Variants in BICC1 observed in about 807,000 individuals in gnomAD.
The protein encoded by BICC1 is BicC family RNA binding protein 1.
BICC1 carries 43 observed loss-of-function variants against 111.0 expected under a neutral mutation model. The observed-to-expected ratio is 0.39, with a 90% CI of 0.30 to 0.50. The LOEUF (loss-of-function observed/expected upper bound fraction) is 0.50, where lower values mean the gene tolerates loss of function less well. Among genes scored for constraint, BICC1 ranks in the 20% least tolerant of loss-of-function variants. BICC1 has a pLI of 0.88. For missense variants in BICC1, 1,091 were observed against 1,203.2 expected (o/e 0.91, Z 1.38); for synonymous variants, 467 against 434.4 (o/e 1.07, Z -0.93).
At chr10:58,599,492 G>A (rs1844952875) in intron 1 of BICC1, among the ~76,000 whole-genome samples, 3 of 152,128 alleles carry the variant, frequency 2.0e-5, no homozygotes, top group Admixed American at 1.3e-4. Context: ...ACACACTGCG[G>A]CTTGTCAGTG....
chr10:58,729,577 T>G (rs1589071729), intron 3 of BICC1, among the ~76,000 whole-genome samples: 1 of 152,310 alleles, frequency 6.6e-6, no homozygotes, highest in East Asian at 1.9e-4. Context: ...GACTGGGTAA[T>G]TTATAAAGAA....
At chr10:58,814,447 A>G (rs1844020220) in intron 18 of BICC1, 1 of 294,580 alleles carries the variant, frequency 3.4e-6, no homozygotes, top group South Asian at 5.1e-5. Context: ...GGTAATGTAC[A>G]CACATGCATC....
intron 1 of BICC1, among the ~76,000 whole-genome samples, chr10:58,549,470 T>A (rs1223937024): frequency 6.6e-6 from 1 of 152,146 alleles, no homozygotes; most frequent in African/African-American, 2.4e-5. Context: ...GTATTGTCAG[T>A]TTTTAAAATT....
chr10:58,747,876 A>G (rs1413197792), intron 3 of BICC1, among the ~76,000 whole-genome samples: 1 of 152,136 alleles, frequency 6.6e-6, no homozygotes, highest in Non-Finnish European at 1.5e-5. Context: ...AAAAAGTTTT[A>G]TTGGAATACA....
chr10:58,784,688 AT>A (rs1842962577), intron 3 of BICC1, among the ~76,000 whole-genome samples: 1 of 60,310 alleles, frequency 1.7e-5, no homozygotes, highest in Non-Finnish European at 3.9e-5. Context: ...AATCCAATTT[AT>A]AAAAAAAAAT....
At chr10:58,582,608 A>T (rs2132015313) in intron 1 of BICC1, among the ~76,000 whole-genome samples, 1 of 152,302 alleles carries the variant, frequency 6.6e-6, no homozygotes, top group South Asian at 2.1e-4. Context: ...ATACAAGGTG[A>T]TTATCTTAGA....
At chr10:58,598,034 A>G (rs993848889) in intron 1 of BICC1, among the ~76,000 whole-genome samples, 1 of 152,188 alleles carries the variant, frequency 6.6e-6, no homozygotes, top group African/African-American at 2.4e-5. Context: ...GATTAAAGAC[A>G]GCCATAAGAA....
chr10:58,765,417 A>G (rs943548774), intron 3 of BICC1, among the ~76,000 whole-genome samples: 1 of 152,170 alleles, frequency 6.6e-6, no homozygotes, highest in African/African-American at 2.4e-5. Flanking sequence ...TGTTGTTTGA[A>G]TAGGACCTCT....
chr10:58,793,454 T>C, intron 8 of BICC1, 30 bp from the exon 9 acceptor site: 1 of 1,593,378 alleles, frequency 6.3e-7, no homozygotes, highest in Non-Finnish European at 8.6e-7. Flanking sequence ...AATTTTTACC[T>C]CCTACACATT....
At chr10:58,523,942 C>G (rs1454431850) in intron 1 of BICC1, among the ~76,000 whole-genome samples, 1 of 152,138 alleles carries the variant, frequency 6.6e-6, no homozygotes, top group African/African-American at 2.4e-5. Context: ...AGTGAACTCC[C>G]ATTCACAATT....
rs3740453 is a variant in BICC1 at position 58,796,530 on chromosome 10, T to C, written c.1366+4T>C. 23,849 of 1,605,760 alleles carry C rather than the reference T, an allele frequency of 0.015. 245 individuals are homozygous for C. The highest frequency in any genetic ancestry group is 0.029 in the South Asian group (2,639 of 89,886). On this transcript the variant is annotated splice_donor_region_variant and intron_variant, in intron 10 of 20. Coordinates refer to ENST00000373886, the MANE Select transcript of BICC1 (RefSeq NM_001080512.3). ...GGCCTTGGACTCACTGGACTAGGTA[T>C]ACAATTTATTATTACAGCGCGTCTC... is the stretch of plus-strand genomic sequence containing the variant.
chr10:58,769,445 A>C (rs1199806595), intron 3 of BICC1, among the ~76,000 whole-genome samples: 2 of 126,390 alleles, frequency 1.6e-5, no homozygotes, highest in Middle Eastern at 4.0e-3. Context: ...ATATATCTTT[A>C]ATAGATATAC....
intron 3 of BICC1, among the ~76,000 whole-genome samples, chr10:58,742,363 AATT>A (rs1318555248): frequency 6.6e-6 from 1 of 151,850 alleles, no homozygotes; most frequent in Admixed American, 6.6e-5. Context: ...CATGTGAATG[AATT>A]ATTATATCTC....
chr10:58,583,251 T>G (rs1844330328), intron 1 of BICC1, among the ~76,000 whole-genome samples: 1 of 152,052 alleles, frequency 6.6e-6, no homozygotes, highest in Admixed American at 6.6e-5. Context: ...TTTCAATAGG[T>G]TTTTGGGGAA....
At chr10:58,715,526 C>A in intron 3 of BICC1, 1 of 1,343,608 alleles carries the variant, frequency 7.4e-7, no homozygotes, top group Non-Finnish European at 1.1e-6. Context: ...TTTCCCTCGG[C>A]GTGCCACTGT....
chr10:58,560,884 C>T (rs1475446258), intron 1 of BICC1, among the ~76,000 whole-genome samples: 1 of 151,684 alleles, frequency 6.6e-6, no homozygotes, highest in Middle Eastern at 3.4e-3. Context: ...TTATTTATTC[C>T]TAGTTTTATT....
intron 2 of BICC1, among the ~76,000 whole-genome samples, chr10:58,649,688 T>C (rs1838382199): frequency 6.6e-6 from 1 of 152,198 alleles, no homozygotes; most frequent in South Asian, 2.1e-4. Flanking sequence ...TGCTTTTTCT[T>C]TGATCCCTTT....
At chr10:58,632,693 C>G (rs1034697507) in intron 2 of BICC1, among the ~76,000 whole-genome samples, 6 of 152,140 alleles carry the variant, frequency 3.9e-5, no homozygotes, top group African/African-American at 1.2e-4. Flanking sequence ...CCTTCCAGAC[C>G]TGTGACTCCA....
At chr10:58,598,437 G>A (rs533345397) in intron 1 of BICC1, among the ~76,000 whole-genome samples, 1 of 152,188 alleles carries the variant, frequency 6.6e-6, no homozygotes, top group East Asian at 1.9e-4. Context: ...AATGTTGTTG[G>A]GAAAACTGGC....
Sources: allele counts gnomAD v4.1 joint callset (sites outside exome capture counted in the v4.1 genomes callset), GRCh38; gene constraint gnomAD v4.1.1; transcripts MANE v1.5; gene names NCBI Gene and HGNC (gene_info 2026-07-23, HGNC 2026-07-21).